CD47: variants seen among roughly 807,000 people sequenced by gnomAD.
The protein encoded by CD47 is CD47 molecule.
A neutral mutation model predicts 44.6 loss-of-function variants in CD47; 11 were observed. The ratio of observed to expected loss-of-function variants is 0.25; its 90% CI spans 0.16 to 0.41. The LOEUF (loss-of-function observed/expected upper bound fraction) is 0.41. Ranked by LOEUF, CD47 falls within the 10% of genes least tolerant of loss-of-function variation. The pLI is 1.00. For synonymous variants in CD47, 140 were observed against 136.3 expected, an observed-to-expected ratio of 1.03 and a Z score of -0.19; for missense variants, 306 against 386.7, an observed-to-expected ratio of 0.79 and a Z score of 1.75.
intron 3 of CD47, among the ~76,000 whole-genome samples, chr3:108,062,783 AG>A (rs2079037404): frequency 6.6e-6 from 1 of 150,782 alleles, no homozygotes; most frequent in African/African-American, 2.4e-5. Context: ...CTGGGACTAC[AG>A]GCATGCGCCA....
intron 7 of CD47, among the ~76,000 whole-genome samples, chr3:108,056,292 A>G (rs759194554): frequency 1.3e-5 from 2 of 152,228 alleles, no homozygotes; most frequent in African/African-American, 2.4e-5. Flanking sequence ...AACAACTAAG[A>G]CTTATGAACT....
At chr3:108,067,385 G>A (rs992867291) in intron 3 of CD47, among the ~76,000 whole-genome samples, 11 of 152,190 alleles carry the variant, frequency 7.2e-5, no homozygotes, top group African/African-American at 2.7e-4. Flanking sequence ...AGTTACAAAG[G>A]CAAAGAAAGA....
chr3:108,087,857 C>T (rs1169745302), intron 1 of CD47, among the ~76,000 whole-genome samples: 1 of 152,058 alleles, frequency 6.6e-6, no homozygotes, highest in Non-Finnish European at 1.5e-5. Flanking sequence ...GAGGAAAAAC[C>T]CAGATTCTAT....
At chr3:108,059,680 A>G in intron 4 of CD47, 136 bp from the exon 5 acceptor site, 1 of 450,968 alleles carries the variant, frequency 2.2e-6, no homozygotes, top group East Asian at 3.7e-5. Context: ...ATTAGTGACT[A>G]TTTTTTGATT....
intron 1 of CD47, among the ~76,000 whole-genome samples, chr3:108,086,549 A>G (rs1238082172): frequency 6.6e-6 from 1 of 152,212 alleles, no homozygotes; most frequent in Non-Finnish European, 1.5e-5. Flanking sequence ...TCAATGGACT[A>G]GTGAGATCTG....
At chr3:108,088,719 G>T (rs1028416562) in intron 1 of CD47, among the ~76,000 whole-genome samples, 1 of 151,814 alleles carries the variant, frequency 6.6e-6, no homozygotes, top group Non-Finnish European at 1.5e-5. Context: ...AGTTTTATTT[G>T]CTAGCTAATA....
At chr3:108,058,278 GGAA>G (rs2078950466) in intron 6 of CD47, 56 bp downstream of exon 6, 7 of 914,914 alleles carry the variant, frequency 7.7e-6, no homozygotes, top group East Asian at 6.1e-5. Flanking sequence ...AAAAGAAAAA[GGAA>G]GAAGAGCTCT....
intron 3 of CD47, among the ~76,000 whole-genome samples, chr3:108,068,668 A>G (rs1442085129): frequency 1.3e-5 from 2 of 152,170 alleles, no homozygotes; most frequent in South Asian, 2.1e-4. Context: ...CCTGTTTCTT[A>G]TCTACAAAAC....
At position 108,058,332 on chromosome 3, in the gene CD47, CT is replaced by C; in HGVS notation, c.784+4del. Reference sequence around the variant, plus strand: ...AAATTAGGTCTACAGAAAGATGACTCTTACCCGCAATACAGAGACTCAGTCC... The same window carrying C: ...AAATTAGGTCTACAGAAAGATGACTCTACCCGCAATACAGAGACTCAGTCC... On this transcript the variant is annotated splice_donor_region_variant and intron_variant, in intron 6 of 10. Coordinates refer to ENST00000361309, the MANE Select transcript of CD47 (RefSeq NM_001777.4). 2 of 1,535,370 alleles carry C rather than the reference CT, an allele frequency of 1.3e-6. No individual in the cohort carries two copies. Among genetic ancestry groups the C allele is most frequent in the Admixed American group, 2.0e-5 (1 of 49,844 alleles).
intron 3 of CD47, among the ~76,000 whole-genome samples, chr3:108,062,446 CA>C (rs2079030680): frequency 6.6e-6 from 1 of 152,040 alleles, no homozygotes. Context: ...GAAAGTTCTG[CA>C]AAGGGTTATA....
chr3:108,074,550 G>C (rs1023947602), intron 2 of CD47, among the ~76,000 whole-genome samples: 13 of 152,190 alleles, frequency 8.5e-5, no homozygotes, highest in Non-Finnish European at 1.5e-4. Flanking sequence ...CTGACCTCAG[G>C]TGATCCACCT....
In CD47 at chr3:108,078,883, C is replaced by T. The variant is rs570608425; in HGVS notation, c.400+1108G>A. Among the ~76,000 whole-genome samples the T allele has an allele frequency of 4.6e-5, 7 of 152,114 alleles. No homozygotes were observed. The South Asian group carries it at 1.2e-3, about 27-fold the overall frequency. On this transcript the variant is annotated intron_variant, in intron 2 of 10. Transcript: ENST00000361309. ...TTTATGCTCATTAGACTGTAGAATA[C>T]ATAAAAGCAAGTATCTATTGTCATC...
intron 6 of CD47, among the ~76,000 whole-genome samples, chr3:108,057,923 C>A (rs531562784): frequency 2.0e-5 from 3 of 152,030 alleles, no homozygotes; most frequent in Non-Finnish European, 1.5e-5. Context: ...ATCTTTGTAG[C>A]GAGGAGGAAA....
At chr3:108,068,916 T>A (rs774608336) in intron 3 of CD47, among the ~76,000 whole-genome samples, 1 of 152,112 alleles carries the variant, frequency 6.6e-6, no homozygotes, top group Admixed American at 6.6e-5. Context: ...AAACAAAAAA[T>A]TCCCACCAAA....
chr3:108,067,568 A>G (rs2079126590), intron 3 of CD47, among the ~76,000 whole-genome samples: 1 of 152,254 alleles, frequency 6.6e-6, no homozygotes, highest in Non-Finnish European at 1.5e-5. Flanking sequence ...TAGAGTGGCA[A>G]ACTGTGAGTT....
At chr3:108,057,637 TC>T in intron 6 of CD47, 68 bp from the exon 7 acceptor site, 1 of 811,732 alleles carries the variant, frequency 1.2e-6, no homozygotes, top group Non-Finnish European at 2.1e-6. Flanking sequence ...ACAGTAATAA[TC>T]CCAAGTTTTA....
chr3:108,054,593 T>C (rs533075389), intron 7 of CD47: 1 of 152,346 alleles, frequency 6.6e-6, no homozygotes, highest in South Asian at 2.1e-4. Context: ...CATATGAGCA[T>C]ACTTGCAATG....
chr3:108,075,087 T>C (rs998504987), intron 2 of CD47, among the ~76,000 whole-genome samples: 6 of 152,102 alleles, frequency 3.9e-5, no homozygotes, highest in African/African-American at 1.4e-4. Context: ...CTAAGAACAA[T>C]GTCAGATATT....
At chr3:108,066,186 C>T (rs1424873678) in intron 3 of CD47, among the ~76,000 whole-genome samples, 4 of 151,818 alleles carry the variant, frequency 2.6e-5, no homozygotes, top group South Asian at 2.1e-4. Flanking sequence ...GGAACATCTA[C>T]TCAAAGACAT....
Sources: allele counts gnomAD v4.1 joint callset (sites outside exome capture counted in the v4.1 genomes callset), GRCh38; gene constraint gnomAD v4.1.1; transcripts MANE v1.5; gene names NCBI Gene and HGNC (gene_info 2026-07-23, HGNC 2026-07-21).